The following ZNF469 variants were observed in gnomAD, a reference collection of about 807,000 sequenced individuals.
The protein encoded by ZNF469 is zinc finger protein 469.
Under a neutral mutation model 1.0 loss-of-function variants are expected in ZNF469, and 1 was observed. The observed-to-expected ratio is 1.00, with a 90% CI of 0.35 to 4.73. The LOEUF is 4.73. Among genes scored for constraint, ZNF469 ranks in the 30% most tolerant of loss-of-function variants. The pLI is 0.16. For synonymous variants in ZNF469, 2,703 were observed against 2,363.4 expected, an observed-to-expected ratio of 1.14 and a Z score of -4.17; for missense variants, 6,100 against 5,356.3, an observed-to-expected ratio of 1.14 and a Z score of -4.33.
the ZNF469 span, among the ~76,000 whole-genome samples, chr16:88,369,548 C>A: frequency 6.6e-6 from 1 of 152,330 alleles, no homozygotes; most frequent in East Asian, 1.9e-4. Flanking sequence ...TGCTATGTGA[C>A]CCTGCGCAAG....
At chr16:88,322,949 G>C in the ZNF469 span, among the ~76,000 whole-genome samples, 5 of 152,318 alleles carry the variant, frequency 3.3e-5, no homozygotes, top group Admixed American at 3.3e-4. Flanking sequence ...GGCTCCTCCT[G>C]TCTCTCCCAA....
At chr16:88,342,984 T>C in the ZNF469 span, among the ~76,000 whole-genome samples, 4 of 152,192 alleles carry the variant, frequency 2.6e-5, no homozygotes, top group Non-Finnish European at 5.9e-5. Flanking sequence ...TGGATGAGCT[T>C]TGTGGGCAAC....
the ZNF469 span, among the ~76,000 whole-genome samples, chr16:88,299,458 G>A: frequency 2.0e-5 from 3 of 152,194 alleles, no homozygotes; most frequent in African/African-American, 4.8e-5. Context: ...AAGGAGCCGA[G>A]TGAAAGGGAA....
chr16:88,177,510 G>A, the ZNF469 span: 1 of 152,146 alleles, frequency 6.6e-6, no homozygotes, highest in African/African-American at 2.4e-5. The surrounding 1 kb of genome is among the most constrained non-coding windows in gnomAD (Gnocchi z 4.8). Flanking sequence ...AAAGAAAAAG[G>A]TATCAGTTTT....
intron 1 of ZNF469, among the ~76,000 whole-genome samples, chr16:88,403,544 C>T (rs1904942550): frequency 6.7e-6 from 1 of 150,272 alleles, no homozygotes; most frequent in Admixed American, 6.6e-5. Flanking sequence ...TGTGAGCTGC[C>T]ATCGAGGCCA....
the ZNF469 span, among the ~76,000 whole-genome samples, chr16:88,122,652 C>T: frequency 2.0e-5 from 3 of 152,022 alleles, no homozygotes; most frequent in Non-Finnish European, 4.4e-5. Flanking sequence ...CGGCAACCTC[C>T]AAAAGGCAAA....
At chr16:88,341,093 C>G in the ZNF469 span, among the ~76,000 whole-genome samples, 1 of 152,218 alleles carries the variant, frequency 6.6e-6, no homozygotes, top group Admixed American at 6.5e-5. Flanking sequence ...TGTGAAGGTC[C>G]AGTAGCAAAT....
the ZNF469 span, among the ~76,000 whole-genome samples, chr16:88,335,515 C>A: frequency 1.3e-5 from 2 of 152,326 alleles, no homozygotes; most frequent in East Asian, 3.9e-4. Context: ...CAGGCCCCCT[C>A]CTCGGCCCCT....
chr16:88,150,894 G>C, the ZNF469 span, among the ~76,000 whole-genome samples: 1 of 152,306 alleles, frequency 6.6e-6, no homozygotes, highest in South Asian at 2.1e-4. Context: ...TCGCCACGGT[G>C]GGGAAACTGA....
At chr16:88,199,960 C>T in the ZNF469 span, among the ~76,000 whole-genome samples, 2 of 152,206 alleles carry the variant, frequency 1.3e-5, no homozygotes, top group African/African-American at 4.8e-5. Context: ...GCCGAGGACC[C>T]CGCAGCAAGG....
At chr16:88,179,657 G>C in the ZNF469 span, among the ~76,000 whole-genome samples, 1 of 152,172 alleles carries the variant, frequency 6.6e-6, no homozygotes, top group Non-Finnish European at 1.5e-5. Flanking sequence ...CTTTTACCAG[G>C]AACCTGTGTG....
Position 88,439,598 on chromosome 16 carries a change from G to C in ZNF469, c.*266G>C. 1.2e-5 allele frequency: 6 copies of C among 511,586 alleles called. No homozygotes were observed. The South Asian group carries it at 1.2e-4, about 11-fold the overall frequency. The allele number at this position is 511,586 out of a possible 1,614,324, so 31.7% of individuals were successfully genotyped here. ...CACACAGCTGTTTTCTTGGTACCAAGTACTTGAAGAGACAGCAGCCCATCC... is the reference window on the plus strand; with the variant it reads ...CACACAGCTGTTTTCTTGGTACCAACTACTTGAAGAGACAGCAGCCCATCC... On this transcript the variant is annotated 3_prime_UTR_variant, in exon 3 of 3. Transcript: ENST00000565624.
the ZNF469 span, among the ~76,000 whole-genome samples, chr16:88,340,153 G>A: frequency 1.3e-5 from 2 of 152,192 alleles, no homozygotes; most frequent in African/African-American, 2.4e-5. Context: ...ACATGGCTGA[G>A]CCGGCACAGA....
the ZNF469 span, among the ~76,000 whole-genome samples, chr16:88,281,179 C>G: frequency 1.1e-4 from 15 of 137,364 alleles, no homozygotes; most frequent in African/African-American, 3.8e-4. Context: ...GATGTCGGTG[C>G]ACAGGTTAGT....
At chr16:88,209,760 T>G in the ZNF469 span, among the ~76,000 whole-genome samples, 1 of 152,340 alleles carries the variant, frequency 6.6e-6, no homozygotes, top group African/African-American at 2.4e-5. Context: ...TACAGCTGCA[T>G]AGTACTCCAC....
the ZNF469 span, among the ~76,000 whole-genome samples, chr16:88,216,892 G>A: frequency 6.6e-6 from 1 of 151,472 alleles, no homozygotes; most frequent in Non-Finnish European, 1.5e-5. Flanking sequence ...TACCAAGTCT[G>A]TCTTCTTCTT....
At chr16:88,264,953 A>T in the ZNF469 span, among the ~76,000 whole-genome samples, 1 of 152,042 alleles carries the variant, frequency 6.6e-6, no homozygotes, top group South Asian at 2.1e-4. Context: ...GCGGGCACAC[A>T]GGGCTGACTG....
intron 1 of ZNF469, among the ~76,000 whole-genome samples, chr16:88,417,441 C>T (rs1476123220): frequency 6.6e-6 from 1 of 152,212 alleles, no homozygotes; most frequent in East Asian, 1.9e-4. Flanking sequence ...CCTGCCACCT[C>T]CACACCCTGG....
chr16:88,141,529 TA>T, the ZNF469 span, among the ~76,000 whole-genome samples: 1 of 138,442 alleles, frequency 7.2e-6, no homozygotes, highest in African/African-American at 2.7e-5. Flanking sequence ...CGGAGCCTGC[TA>T]TGAAACGCTC....
Sources: allele counts gnomAD v4.1 joint callset (sites outside exome capture counted in the v4.1 genomes callset), GRCh38; gene constraint gnomAD v4.1.1; non-coding constraint Gnocchi (gnomAD v3.1); transcripts MANE v1.5; gene names NCBI Gene and HGNC (gene_info 2026-07-23, HGNC 2026-07-21).